The following SCFD2 variants were observed in gnomAD, a reference collection of about 807,000 sequenced individuals.
The protein encoded by SCFD2 is sec1 family domain-containing protein 2.
In SCFD2, 54 loss-of-function variants were observed where a neutral mutation model predicts 58.9. That is an observed-to-expected ratio of 0.92 (90% CI 0.74 to 1.15). The LOEUF (loss-of-function observed/expected upper bound fraction) is 1.15. Among genes scored for constraint, SCFD2 ranks in the 50% most tolerant of loss-of-function variants. The probability of loss-of-function intolerance (pLI) is 0.00; values close to 1 mark genes in which losing one functional copy is unlikely to be tolerated. For synonymous variants in SCFD2, 321 were observed against 335.9 expected, an observed-to-expected ratio of 0.96 and a Z score of 0.49; for missense variants, 805 against 836.6, an observed-to-expected ratio of 0.96 and a Z score of 0.47.
chr4:52,885,678 G>T (rs1414444878), intron 8 of SCFD2, 69 bp downstream of exon 8: 2 of 1,585,806 alleles, frequency 1.3e-6, no homozygotes, highest in Non-Finnish European at 1.7e-6. Flanking sequence ...ACCCATAGGT[G>T]GAGGGCCCTC....
intron 5 of SCFD2, among the ~76,000 whole-genome samples, chr4:52,944,718 A>G (rs1720380783): frequency 6.6e-6 from 1 of 152,226 alleles, no homozygotes; most frequent in African/African-American, 2.4e-5. Flanking sequence ...AATATATTTC[A>G]CTAAAGTGCC....
intron 5 of SCFD2, among the ~76,000 whole-genome samples, chr4:53,057,751 A>C (rs1289568297): frequency 6.6e-6 from 1 of 152,184 alleles, no homozygotes; most frequent in East Asian, 1.9e-4. Flanking sequence ...GGTATGTGCC[A>C]TTCAAGATAG....
chr4:53,222,921 G>A (rs1373304748), intron 4 of SCFD2, among the ~76,000 whole-genome samples: 4 of 152,112 alleles, frequency 2.6e-5, no homozygotes, highest in African/African-American at 7.2e-5. Context: ...CTACAGAAAC[G>A]TATTTCTGTA....
At chr4:52,972,311 G>C (rs918555405) in intron 5 of SCFD2, among the ~76,000 whole-genome samples, 5 of 152,112 alleles carry the variant, frequency 3.3e-5, no homozygotes, top group Non-Finnish European at 7.4e-5. Context: ...AAAATAAAGG[G>C]ATGGAGGAAG....
At chr4:52,956,023 A>G (rs1352482174) in intron 5 of SCFD2, 2 of 456,468 alleles carry the variant, frequency 4.4e-6, no homozygotes, top group Non-Finnish European at 8.8e-6. Flanking sequence ...TCACTGTGGG[A>G]CTTCAGATTT....
At chr4:53,046,785 A>G (rs577436095) in intron 5 of SCFD2, among the ~76,000 whole-genome samples, 2 of 152,076 alleles carry the variant, frequency 1.3e-5, no homozygotes, top group Non-Finnish European at 2.9e-5. Context: ...CTCCTGCCTC[A>G]GCCTCCCAAG....
chr4:53,060,301 G>C (rs1383496165), intron 5 of SCFD2, among the ~76,000 whole-genome samples: 1 of 144,302 alleles, frequency 6.9e-6, no homozygotes, highest in Non-Finnish European at 1.5e-5. Flanking sequence ...AACTGGGCTG[G>C]GGTAGGTTGG....
chr4:53,341,517 A>G lies in SCFD2; in HGVS notation c.1007+11081T>C, dbSNP rs184924476. Among the ~76,000 whole-genome samples, 5 of 152,324 alleles carry G rather than the reference A, an allele frequency of 3.3e-5. No individual in the cohort carries two copies. The East Asian group carries it at 9.6e-4, about 29-fold the overall frequency. On this transcript the variant is annotated intron_variant, in intron 2 of 8. Transcript: ENST00000401642. ...GAAAGTGACAGGGAGAATGGAACCA[A>G]GTTGGAAAAGACTCTGCAGGATATT...
intron 4 of SCFD2, among the ~76,000 whole-genome samples, chr4:53,228,506 A>G (rs114852121): frequency 0.057 from 8,627 of 152,302 alleles, 306 homozygotes; most frequent in Middle Eastern, 0.12. Flanking sequence ...AAATAGATAC[A>G]AACGTTAAGA....
At chr4:52,995,959 G>A (rs1249203137) in intron 5 of SCFD2, among the ~76,000 whole-genome samples, 1 of 152,188 alleles carries the variant, frequency 6.6e-6, no homozygotes, top group Non-Finnish European at 1.5e-5. Flanking sequence ...GCTGATGGCA[G>A]TAAAACAGGG....
chr4:52,874,431 G>A (rs1294998890), intron 8 of SCFD2, among the ~76,000 whole-genome samples: 4 of 152,194 alleles, frequency 2.6e-5, no homozygotes, highest in African/African-American at 7.2e-5. Flanking sequence ...GTAATTTGAC[G>A]TCAATATCAA....
chr4:53,250,112 C>T (rs1272859014), intron 4 of SCFD2, among the ~76,000 whole-genome samples: 1 of 152,036 alleles, frequency 6.6e-6, no homozygotes, highest in Non-Finnish European at 1.5e-5. Context: ...GAAGATCTAC[C>T]AAGCAAATGG....
chr4:52,952,997 G>A (rs1161411984), intron 5 of SCFD2, among the ~76,000 whole-genome samples: 1 of 152,162 alleles, frequency 6.6e-6, no homozygotes, highest in Non-Finnish European at 1.5e-5. Flanking sequence ...ACTTTAAAAT[G>A]TCCCATAGGC....
intron 3 of SCFD2, among the ~76,000 whole-genome samples, chr4:53,302,154 G>T (rs893399874): frequency 1.1e-4 from 17 of 152,314 alleles, no homozygotes; most frequent in African/African-American, 3.4e-4. Flanking sequence ...AAAAGAGGAA[G>T]TCAAATTGTC....
intron 4 of SCFD2, among the ~76,000 whole-genome samples, chr4:53,235,802 T>A (rs1276970435): frequency 3.9e-5 from 6 of 152,154 alleles, no homozygotes; most frequent in African/African-American, 1.2e-4. Context: ...CATACGTGTG[T>A]GCATACATAC....
intron 5 of SCFD2, among the ~76,000 whole-genome samples, chr4:52,938,954 T>TTCAGAAG (rs1720215408): frequency 6.6e-6 from 1 of 152,164 alleles, no homozygotes; most frequent in Non-Finnish European, 1.5e-5. Context: ...ATGTGCCACT[T>TTCAGAAG]CTGAGCTGAA....
At chr4:53,329,815 C>A (rs1577973131) in intron 2 of SCFD2, among the ~76,000 whole-genome samples, 2 of 151,880 alleles carry the variant, frequency 1.3e-5, no homozygotes, top group African/African-American at 4.8e-5. Context: ...GGAGGACACT[C>A]AAACCAAAGG....
At chr4:53,075,557 G>A (rs1723947361) in intron 5 of SCFD2, among the ~76,000 whole-genome samples, 1 of 152,112 alleles carries the variant, frequency 6.6e-6, no homozygotes, top group Admixed American at 6.6e-5. Flanking sequence ...TTTAAAGTAA[G>A]GGACATGTCA....
intron 1 of SCFD2, among the ~76,000 whole-genome samples, chr4:53,360,367 C>T (rs1000699764): frequency 1.3e-5 from 2 of 152,214 alleles, no homozygotes; most frequent in Admixed American, 6.5e-5. Flanking sequence ...CTACCCTCCA[C>T]CATCTAGCAG....
Sources: allele counts gnomAD v4.1 joint callset (sites outside exome capture counted in the v4.1 genomes callset), GRCh38; gene constraint gnomAD v4.1.1; transcripts MANE v1.5; gene names NCBI Gene and HGNC (gene_info 2026-07-23, HGNC 2026-07-21).